The following ZNF469 variants were observed in gnomAD, a reference collection of about 807,000 sequenced individuals.
ZNF469 encodes zinc finger protein 469.
A neutral mutation model predicts 1.0 loss-of-function variants in ZNF469; 1 was observed. That is an observed-to-expected ratio of 1.00 (90% CI 0.35 to 4.73). The LOEUF (loss-of-function observed/expected upper bound fraction) is 4.73, where lower values mean the gene tolerates loss of function less well. ZNF469 is among the 30% of genes most tolerant of loss of function. The pLI, the probability that ZNF469 is intolerant of heterozygous loss-of-function variation, is 0.16. For missense variants in ZNF469, 6,100 were observed against 5,356.3 expected (o/e 1.14, Z -4.33); for synonymous variants, 2,703 against 2,363.4 (o/e 1.14, Z -4.17).
chr16:88,383,439 G>A (rs1187855909), intron 1 of ZNF469, among the ~76,000 whole-genome samples, 185 bp downstream of exon 1: 2 of 148,182 alleles, frequency 1.3e-5, no homozygotes, highest in Non-Finnish European at 3.0e-5. Flanking sequence ...CGGCTCCCCC[G>A]ACCTCCTCCT....
At chr16:88,113,647 G>A in the ZNF469 span, among the ~76,000 whole-genome samples, 1 of 152,182 alleles carries the variant, frequency 6.6e-6, no homozygotes, top group African/African-American at 2.4e-5. Context: ...AAAGGCTCTC[G>A]CAGCTGAAGG....
At chr16:88,127,826 C>A in the ZNF469 span, among the ~76,000 whole-genome samples, 1 of 152,206 alleles carries the variant, frequency 6.6e-6, no homozygotes, top group Non-Finnish European at 1.5e-5. Flanking sequence ...TGAAGCAACA[C>A]CTACTCCAAA....
rs983617080 is a variant in ZNF469 at position 88,428,730 on chromosome 16, G to A, written c.1260G>A (p.Pro420=). The change falls in exon 3 of 3, where the codon CCG becomes CCA. Residue 420 remains proline, a synonymous_variant. Coordinates refer to ENST00000565624, the MANE Select transcript of ZNF469 (RefSeq NM_001367624.2). ...AYRASGVDTS[P]GPPDTELAAP... is the part of the protein sequence containing the mutation. ...GAGCCAGTGGGGTGGACACCAGCCC[G>A]GGGCCTCCGGACACCGAGCTGGCCG... 12 of 1,547,244 alleles carry A rather than the reference G, an allele frequency of 7.8e-6. No individual in the cohort carries two copies. The highest frequency in any genetic ancestry group is 4.9e-5 in the East Asian group (2 of 40,896).
At chr16:88,331,344 C>A in the ZNF469 span, among the ~76,000 whole-genome samples, 16 of 145,110 alleles carry the variant, frequency 1.1e-4, no homozygotes, top group Non-Finnish European at 1.8e-4. Context: ...CACCATCATC[C>A]TCCTCACCAC....
chr16:88,117,995 T>G, the ZNF469 span, among the ~76,000 whole-genome samples: 2 of 152,224 alleles, frequency 1.3e-5, no homozygotes, highest in Non-Finnish European at 2.9e-5. Flanking sequence ...CAGGCTGGAG[T>G]GCAGTGGCAC....
chr16:88,196,165 G>A, the ZNF469 span, among the ~76,000 whole-genome samples: 19 of 152,326 alleles, frequency 1.2e-4, no homozygotes, highest in South Asian at 1.2e-3. Context: ...TGGCTTGCCC[G>A]AAGTGGTGCT....
chr16:88,118,583 C>A, the ZNF469 span, among the ~76,000 whole-genome samples: 8 of 152,346 alleles, frequency 5.3e-5, no homozygotes, highest in South Asian at 1.4e-3. Flanking sequence ...GTCAGGCACA[C>A]CCCGGGTGCT....
chr16:88,414,394 G>T (rs1192348804), intron 1 of ZNF469, among the ~76,000 whole-genome samples: 1 of 152,258 alleles, frequency 6.6e-6, no homozygotes, highest in Non-Finnish European at 1.5e-5. Context: ...CCTGGAGGAG[G>T]CCACAGTCTC....
At chr16:88,150,225 G>A in the ZNF469 span, among the ~76,000 whole-genome samples, 56 of 152,218 alleles carry the variant, frequency 3.7e-4, no homozygotes, top group East Asian at 7.7e-4. Context: ...CAGAAGAATC[G>A]CTTGAACCCG....
chr16:88,318,669 G>A, the ZNF469 span, among the ~76,000 whole-genome samples: 19 of 151,988 alleles, frequency 1.3e-4, no homozygotes, highest in Admixed American at 6.5e-5. Context: ...GGCCTGTGCC[G>A]TGGGGAGAGG....
At chr16:88,128,222 T>G in the ZNF469 span, among the ~76,000 whole-genome samples, 1 of 151,382 alleles carries the variant, frequency 6.6e-6, no homozygotes, top group Non-Finnish European at 1.5e-5. Flanking sequence ...GTTGAGCCCC[T>G]GAGGGCCACG....
the ZNF469 span, among the ~76,000 whole-genome samples, chr16:88,162,636 C>CA: frequency 2.6e-5 from 4 of 151,720 alleles, no homozygotes; most frequent in Non-Finnish European, 5.9e-5. Context: ...ATAGGCATTT[C>CA]AAAAAAGCAT....
At position 88,433,287 on chromosome 16, in the gene ZNF469, T is replaced by C. The variant is rs1452217571; in HGVS notation, c.5817T>C (p.Gly1939=). ...GCCCTCCACGAGTGAACCCCTCAGG[T>C]CTGGAAGGGGGCACTGTGGAAGGAG... ...AQSPPRVNPS[G]LEGGTVEGGK... Residue 1939 remains glycine (G), a synonymous_variant, in exon 3 of 3, where the codon GGT becomes GGC. Transcript: ENST00000565624. 1.3e-6 allele frequency: 2 copies of C among 1,549,964 alleles called. No homozygotes were observed. Among genetic ancestry groups the C allele is most frequent in the Admixed American group, 3.9e-5 (2 of 50,976 alleles).
the ZNF469 span, among the ~76,000 whole-genome samples, chr16:88,167,690 C>T: frequency 2.6e-5 from 4 of 152,164 alleles, no homozygotes; most frequent in Non-Finnish European, 5.9e-5. Flanking sequence ...CACTCCGCTG[C>T]GTTTCCTCAT....
At chr16:88,415,537 G>C (rs1343047951) in intron 1 of ZNF469, among the ~76,000 whole-genome samples, 1 of 152,220 alleles carries the variant, frequency 6.6e-6, no homozygotes. Flanking sequence ...CAGTGCAGTG[G>C]GAATGCCTGT....
the ZNF469 span, among the ~76,000 whole-genome samples, chr16:88,239,688 TATATATATATATATATATATATATA>T: frequency 1.5e-3 from 8 of 5,216 alleles, no homozygotes; most frequent in Admixed American, 5.9e-3. Context: ...TATATATATA[TATATATATATATATATATATATATA>T]TATTTTTTTT....
At chr16:88,216,475 C>G in the ZNF469 span, among the ~76,000 whole-genome samples, 1 of 140,888 alleles carries the variant, frequency 7.1e-6, no homozygotes, top group Non-Finnish European at 1.5e-5. Context: ...GTCTGGGCAA[C>G]AGAGTGAGAC....
the ZNF469 span, among the ~76,000 whole-genome samples, chr16:88,222,872 T>C: frequency 1.3e-5 from 2 of 152,202 alleles, no homozygotes; most frequent in African/African-American, 4.8e-5. Flanking sequence ...GTGCTGGGAT[T>C]ATAGGCATGG....
At chr16:88,335,932 T>A in the ZNF469 span, among the ~76,000 whole-genome samples, 25 of 123,130 alleles carry the variant, frequency 2.0e-4, no homozygotes, top group Middle Eastern at 6.3e-3. Flanking sequence ...TTCATCCTTC[T>A]CGTGAGACAC....
Sources: gnomAD v4.1 joint callset for allele counts (sites outside exome capture counted in the v4.1 genomes callset) on GRCh38, gnomAD v4.1.1 for gene constraint, MANE v1.5 for transcripts, NCBI Gene and HGNC (gene_info 2026-07-23, HGNC 2026-07-21) for gene names.